Variants in FHIT observed in about 807,000 individuals in gnomAD.
FHIT encodes bis(5'-adenosyl)-triphosphatase.
A neutral mutation model predicts 17.9 loss-of-function variants in FHIT; 19 were observed. That is an observed-to-expected ratio of 1.06 (90% confidence interval 0.74 to 1.56). The LOEUF (loss-of-function observed/expected upper bound fraction) is 1.56. FHIT is among the 40% of genes most tolerant of loss of function. FHIT has a pLI of 0.00. For synonymous variants in FHIT, 81 were observed against 69.7 expected (o/e 1.16, Z -0.81); for missense variants, 248 against 189.2 (o/e 1.31, Z -1.82).
chr3:60,265,975 G>A (rs1559773240), intron 5 of FHIT, among the ~76,000 whole-genome samples: 1 of 151,830 alleles, frequency 6.6e-6, no homozygotes, highest in Non-Finnish European at 1.5e-5. Context: ...CATGTAAAAT[G>A]ATGCATCTAA....
At chr3:60,364,372 G>A (rs1236222585) in intron 5 of FHIT, among the ~76,000 whole-genome samples, 1 of 152,142 alleles carries the variant, frequency 6.6e-6, no homozygotes, top group African/African-American at 2.4e-5. Context: ...CTTGCCATGG[G>A]CAAAATAATG....
chr3:60,088,509 T>C (rs1453644471), intron 5 of FHIT, among the ~76,000 whole-genome samples: 1 of 152,190 alleles, frequency 6.6e-6, no homozygotes, highest in Non-Finnish European at 1.5e-5. Context: ...TACATCATCA[T>C]GTCATGGAAA....
At chr3:59,897,852 C>T (rs928946018) in intron 8 of FHIT, among the ~76,000 whole-genome samples, 3 of 151,400 alleles carry the variant, frequency 2.0e-5, no homozygotes, top group Non-Finnish European at 2.9e-5. Context: ...CTGCAAGCTC[C>T]GCCTCCCGGG....
At chr3:60,758,718 A>G (rs1304049644) in intron 4 of FHIT, among the ~76,000 whole-genome samples, 2 of 152,194 alleles carry the variant, frequency 1.3e-5, no homozygotes, top group Non-Finnish European at 2.9e-5. Flanking sequence ...TTGAGTGCCT[A>G]CTACTTGCAA....
intron 4 of FHIT, chr3:60,690,504 G>C (rs1481713942): frequency 4.4e-5 from 25 of 563,590 alleles, no homozygotes; most frequent in Non-Finnish European, 8.6e-5. Flanking sequence ...TGCTACCAGT[G>C]CCATTATGGC....
At chr3:60,100,298 C>T (rs879344025) in intron 5 of FHIT, among the ~76,000 whole-genome samples, 20 of 152,112 alleles carry the variant, frequency 1.3e-4, no homozygotes, top group Admixed American at 5.2e-4. Flanking sequence ...ACAAGAGAAT[C>T]GCTTGAACCC....
At chr3:60,438,222 C>T (rs1009631443) in intron 5 of FHIT, among the ~76,000 whole-genome samples, 1 of 152,014 alleles carries the variant, frequency 6.6e-6, no homozygotes, top group Non-Finnish European at 1.5e-5. Flanking sequence ...TTCACCTGTC[C>T]TCAGACTGAC....
At chr3:59,763,040 TC>T (rs962685669) in intron 8 of FHIT, among the ~76,000 whole-genome samples, 1 of 151,924 alleles carries the variant, frequency 6.6e-6, no homozygotes, top group Non-Finnish European at 1.5e-5. Context: ...TAAGCCTTTT[TC>T]CCCCCCGCCG....
chr3:60,636,137 C>G (rs2039578512), intron 4 of FHIT, among the ~76,000 whole-genome samples: 1 of 151,844 alleles, frequency 6.6e-6, no homozygotes, highest in Non-Finnish European at 1.5e-5. Context: ...CCATCTCAAT[C>G]TCGGCTCACT....
At chr3:59,862,583 T>C (rs908289798) in intron 8 of FHIT, among the ~76,000 whole-genome samples, 3 of 152,230 alleles carry the variant, frequency 2.0e-5, no homozygotes, top group African/African-American at 7.2e-5. Context: ...CAGGTCCCCA[T>C]TCTGGGGATT....
intron 2 of FHIT, among the ~76,000 whole-genome samples, chr3:61,077,334 C>G (rs2035000847): frequency 6.6e-6 from 1 of 151,944 alleles, no homozygotes; most frequent in African/African-American, 2.4e-5. Context: ...CATAGAAGCC[C>G]ACAAAATATT....
chr3:60,494,810 T>C (rs1293344701), intron 5 of FHIT, among the ~76,000 whole-genome samples: 4 of 152,208 alleles, frequency 2.6e-5, no homozygotes, highest in African/African-American at 4.8e-5. Context: ...CATGATCTCA[T>C]TCTTTTTTGT....
chr3:59,993,597 T>A (rs989373933), intron 7 of FHIT, among the ~76,000 whole-genome samples: 4 of 151,976 alleles, frequency 2.6e-5, no homozygotes, highest in Non-Finnish European at 5.9e-5. Flanking sequence ...CAGATCCTGT[T>A]CTCCACAGAC....
At chr3:61,151,321 A>C (rs1285090633) in intron 2 of FHIT, among the ~76,000 whole-genome samples, 6 of 152,220 alleles carry the variant, frequency 3.9e-5, no homozygotes, top group Non-Finnish European at 5.9e-5. Context: ...ATGACTCTGC[A>C]GCTACCCTTT....
In FHIT at chr3:60,359,981, CTT is replaced by C. The variant is rs368086333; in HGVS notation, c.103+176877_103+176878del. 4.8e-3 allele frequency among the ~76,000 whole-genome samples: 635 copies of C among 132,918 alleles called. 2 individuals are homozygous for C. The highest frequency in any genetic ancestry group is 0.014 in the African/African-American group (511 of 36,232). The allele number at this position is 132,918 out of a possible 152,430, so 87.2% of individuals were successfully genotyped here. ...CACTAGAACACTAGGACATTCAAGA[CTT>C]TTTTTTTTTTTTTCTTTTTTTTTTT... On this transcript the variant is annotated intron_variant, in intron 5 of 9. Coordinates refer to ENST00000492590, the MANE Select transcript of FHIT (RefSeq NM_002012.4).
chr3:60,600,544 C>G (rs2038411033), intron 4 of FHIT, among the ~76,000 whole-genome samples: 1 of 152,048 alleles, frequency 6.6e-6, no homozygotes, highest in African/African-American at 2.4e-5. Flanking sequence ...ATAAGCTTTG[C>G]TATAAATTTT....
In FHIT at chr3:61,126,005, C is replaced by T. The variant is rs555940928; in HGVS notation, c.-164+74612G>A. 1.1e-4 allele frequency among the ~76,000 whole-genome samples: 16 copies of T among 152,150 alleles called. No homozygotes were observed. The South Asian group carries it at 2.5e-3, about 24-fold the overall frequency. On this transcript the variant is annotated intron_variant, in intron 2 of 9. Coordinates refer to ENST00000492590, the MANE Select transcript of FHIT (RefSeq NM_002012.4). ...CTGCTCAGGGTATTAAGTAAGTGAC[C>T]AAGATCCAGTGCTTAGCTAAGTCTT...
chr3:59,751,251 G>C (rs1456607404), intron 9 of FHIT: 1 of 140,600 alleles, frequency 7.1e-6, no homozygotes, highest in Non-Finnish European at 1.4e-5. Flanking sequence ...TCTCTCTCCT[G>C]TTTTTTTGAA....
Position 60,226,473 on chromosome 3 carries a change from A to C in FHIT, c.104-212321T>G, listed in dbSNP as rs1018966777. Reference sequence around the variant, plus strand: ...GGCAACAAGAGTGAAACTCCGTCTCAAAAAAAAAAAAAAAAAAAAAACACT... The same window carrying C: ...GGCAACAAGAGTGAAACTCCGTCTCCAAAAAAAAAAAAAAAAAAAAACACT... On this transcript the variant is annotated intron_variant, in intron 5 of 9. Transcript: ENST00000492590. Among the ~76,000 whole-genome samples, 21 of 102,792 alleles carry C rather than the reference A, an allele frequency of 2.0e-4. 3 individuals are homozygous for C. The highest frequency in any genetic ancestry group is 4.5e-4 in the African/African-American group (12 of 26,400). The allele number at this position is 102,792 out of a possible 152,430, so 67.4% of individuals were successfully genotyped here.
Sources: gnomAD v4.1 joint callset for allele counts (sites outside exome capture counted in the v4.1 genomes callset) on GRCh38, gnomAD v4.1.1 for gene constraint, MANE v1.5 for transcripts, NCBI Gene and HGNC (gene_info 2026-07-23, HGNC 2026-07-21) for gene names.